PRSS16: variants seen among roughly 807,000 people sequenced by gnomAD.
PRSS16 encodes the protein thymus-specific serine protease.
Under a neutral mutation model 61.7 loss-of-function variants are expected in PRSS16, and 43 were observed. That is an observed-to-expected ratio of 0.70 (90% confidence interval 0.55 to 0.90). The LOEUF (loss-of-function observed/expected upper bound fraction) is 0.90. PRSS16 is among the 40% of genes least tolerant of loss of function. PRSS16 has a pLI of 0.00. For synonymous variants in PRSS16, 273 were observed against 285.2 expected, an observed-to-expected ratio of 0.96 and a Z score of 0.43; for missense variants, 591 against 659.1, an observed-to-expected ratio of 0.90 and a Z score of 1.13.
chr6:27,249,237 G>C lies in PRSS16; in HGVS notation c.467+8G>C. The C allele has an allele frequency of 6.2e-7, 1 of 1,612,456 alleles. No individual in the cohort carries two copies. Among genetic ancestry groups the C allele is most frequent in the Non-Finnish European group, 8.5e-7 (1 of 1,179,370 alleles). ...CTTGTCCAGCCGCCTTGCGTGAGTG[G>C]AGGAAGGGAAAGTGTTTATGGTCAA... On this transcript the variant is annotated splice_region_variant and intron_variant, in intron 4 of 11. Coordinates refer to ENST00000230582, the MANE Select transcript of PRSS16 (RefSeq NM_005865.4).
At chr6:27,249,940 G>C (rs9393795) in intron 4 of PRSS16, among the ~76,000 whole-genome samples, 53,603 of 151,830 alleles carry the variant, frequency 0.35, 10,114 homozygotes, top group African/African-American at 0.48. Context: ...ATTAACGACC[G>C]CCACCATTTT....
Position 27,252,770 on chromosome 6 carries a change from G to A in PRSS16, c.1009-38G>A. The stretch of plus-strand genomic sequence containing the variant: ...GCACCCTGGCTTGCTGGGAAGAGAG[G>A]AGGAATTTATGTCTTATGTATGTAC... On this transcript the variant is annotated intron_variant, in intron 8 of 11. Coordinates refer to ENST00000230582, the MANE Select transcript of PRSS16 (RefSeq NM_005865.4). The surrounding 1 kb of genome is among the most constrained non-coding windows in gnomAD (Gnocchi z 4.2). 1 of 1,612,160 alleles carries A rather than the reference G, an allele frequency of 6.2e-7. No homozygotes were observed. The highest frequency in any genetic ancestry group is 8.5e-7 in the Non-Finnish European group (1 of 1,179,004).
In PRSS16 at chr6:27,252,796, A is replaced by C. The variant is rs188146949; in HGVS notation, c.1009-12A>C. The stretch of plus-strand genomic sequence containing the variant: ...AGGAATTTATGTCTTATGTATGTAC[A>C]TTGTTCCCTAGATTGTCTTGCACAG... On this transcript the variant is annotated splice_polypyrimidine_tract_variant and intron_variant, in intron 8 of 11. Transcript: ENST00000230582. This position sits in a 1 kb window ranked among gnomAD's most constrained non-coding sequence, Gnocchi z 4.2. 1.1e-5 allele frequency: 17 copies of C among 1,613,928 alleles called. No homozygotes were observed. In the Admixed American group the frequency reaches 1.7e-4, roughly 16 times the overall value.
Position 27,251,078 on chromosome 6 carries a change from G to A in PRSS16, c.628G>A (p.Ala210Thr), listed in dbSNP as rs768517131. 1.2e-6 allele frequency: 2 copies of A among 1,613,942 alleles called. No homozygotes were observed. The highest frequency in any genetic ancestry group is 1.3e-5 in the African/African-American group (1 of 74,936). The change falls in exon 6 of 12, where the codon GCC becomes ACC. Residue 210 changes from alanine to threonine, a missense_variant. Transcript: ENST00000230582. The surrounding 1 kb of genome is among the most constrained non-coding windows in gnomAD (Gnocchi z 5.6). The stretch of plus-strand genomic sequence containing the variant: ...CATTTTCGCGTCGGTCGCCTCCTCC[G>A]CCCCGGTGCGGGCCGTGCTGGATTT... ...HLIFASVASSAPVRAVLDFSE... is the reference protein window; with the variant it reads ...HLIFASVASSTPVRAVLDFSE...
In PRSS16 at chr6:27,248,855, G is replaced by A; in HGVS notation, c.246G>A (p.Trp82Ter). ...CCCATCCCACCTCTCAGCGTTACTG[G>A]GTGAATGACCAACATTGGGTTGGCC... The part of the protein sequence containing the change: ...SDRRSFLQRY[W>*]VNDQHWVGQD... Residue 82 changes from tryptophan (W) to a stop codon, truncating the protein, a stop_gained, in exon 3 of 12, where the codon TGG becomes TGA. Transcript: ENST00000230582. LOFTEE classifies it high-confidence loss of function. 1 of 1,607,626 alleles carries A rather than the reference G, an allele frequency of 6.2e-7. No individual in the cohort carries two copies. The highest frequency in any genetic ancestry group is 8.5e-7 in the Non-Finnish European group (1 of 1,176,208).
In PRSS16 at chr6:27,251,664, G is replaced by A. The variant is rs1419265768; in HGVS notation, c.718-86G>A. On this transcript the variant is annotated intron_variant, in intron 7 of 11. Transcript: ENST00000230582. This position sits in a 1 kb window ranked among gnomAD's most constrained non-coding sequence, Gnocchi z 5.6. ...TCTGAGTCCCGCTAGGGGAAAGTGG[G>A]GAACCCAAGGAGGACGCAGGTCCTG... 1 of 1,481,790 alleles carries A rather than the reference G, an allele frequency of 6.7e-7. No individual in the cohort carries two copies. Among genetic ancestry groups the A allele is most frequent in the Admixed American group, 2.5e-5 (1 of 40,618 alleles). 91.8% of individuals were successfully genotyped at this position (1,481,790 alleles called of 1,614,324 possible).
chr6:27,250,049 A>G (rs1759843041), intron 4 of PRSS16, among the ~76,000 whole-genome samples: 1 of 152,124 alleles, frequency 6.6e-6, no homozygotes, highest in Middle Eastern at 3.2e-3. Flanking sequence ...CTGTGTCTGT[A>G]ACAGTCTGTT....
chr6:27,251,547 C>A lies in PRSS16; in HGVS notation c.718-203C>A. The A allele has an allele frequency of 3.0e-6, 2 of 671,218 alleles. No individual in the cohort carries two copies. Among genetic ancestry groups the A allele is most frequent in the Non-Finnish European group, 4.5e-6 (2 of 446,164 alleles). 41.6% of individuals were successfully genotyped at this position (671,218 alleles called of 1,614,324 possible). ...GGGCCACAATGGAGGACGGGGCCTG[C>A]AGGGAAGACCCGAGAAGGAGGGCTG... On this transcript the variant is annotated intron_variant, in intron 7 of 11. Transcript: ENST00000230582. This position sits in a 1 kb window ranked among gnomAD's most constrained non-coding sequence, Gnocchi z 5.6.
At position 27,254,987 on chromosome 6, in the gene PRSS16, G is replaced by A. The variant is rs1415908916; in HGVS notation, c.1332G>A (p.Gly444=). The A allele has an allele frequency of 6.2e-7, 1 of 1,612,880 alleles. No homozygotes were observed. The highest frequency in any genetic ancestry group is 1.3e-5 in the African/African-American group (1 of 74,824). ...PGANKVLFVN[G]DTDPWHVLSV... is the part of the protein sequence containing the mutation. ...CCCCATCCTATCCTTTCTTTCCAGG[G>A]GACACAGACCCCTGGCATGTGCTAA... Residue 444 remains glycine, a splice_region_variant and synonymous_variant, in exon 11 of 12, where the codon GGG becomes GGA. Coordinates refer to ENST00000230582, the MANE Select transcript of PRSS16 (RefSeq NM_005865.4).
In PRSS16 at chr6:27,251,555, A is replaced by T; in HGVS notation, c.718-195A>T. On this transcript the variant is annotated intron_variant, in intron 7 of 11. Transcript: ENST00000230582. The surrounding 1 kb of genome is among the most constrained non-coding windows in gnomAD (Gnocchi z 5.6). Reference sequence around the variant, plus strand: ...ATGGAGGACGGGGCCTGCAGGGAAGACCCGAGAAGGAGGGCTGCGAGGCAG... The same window carrying T: ...ATGGAGGACGGGGCCTGCAGGGAAGTCCCGAGAAGGAGGGCTGCGAGGCAG... 1.8e-6 allele frequency: 1 copy of T among 563,626 alleles called. No individual in the cohort carries two copies. The highest frequency in any genetic ancestry group is 5.7e-4 in the Middle Eastern group (1 of 1,756). 34.9% of individuals were successfully genotyped at this position (563,626 alleles called of 1,614,324 possible). A position where few individuals can be genotyped will look rare whatever the true frequency, so the allele number is the denominator to read the frequency against.
intron 9 of PRSS16, 38 bp from the exon 10 acceptor site, chr6:27,254,655 G>T (rs375605785): frequency 6.5e-7 from 1 of 1,529,732 alleles, no homozygotes; most frequent in African/African-American, 1.4e-5. Context: ...GTGGTGGGCT[G>T]CCTGTATACC....
At chr6:27,253,172 T>G in intron 9 of PRSS16, 1 of 566,302 alleles carries the variant, frequency 1.8e-6, no homozygotes, top group East Asian at 3.0e-5. Context: ...ACTTGAGTGA[T>G]CTTCCCTTCA....
rs958223419 is a variant in PRSS16, at chr6:27,252,232, C to A, written c.1008+192C>A. ...GTCATGTAGAGCAATCAGCTGGGAGCCTGGCACACAGTGTGCGAATGTTAG... is the reference window on the plus strand; with the variant it reads ...GTCATGTAGAGCAATCAGCTGGGAGACTGGCACACAGTGTGCGAATGTTAG... On this transcript the variant is annotated intron_variant, in intron 8 of 11. Coordinates refer to ENST00000230582, the MANE Select transcript of PRSS16 (RefSeq NM_005865.4). The surrounding 1 kb of genome is among the most constrained non-coding windows in gnomAD (Gnocchi z 4.2). 1.8e-5 allele frequency: 12 copies of A among 677,414 alleles called. 1 individual carries two copies. The highest frequency in any genetic ancestry group is 2.6e-5 in the Non-Finnish European group (11 of 429,612). The allele number at this position is 677,414 out of a possible 1,614,324, so 42.0% of individuals were successfully genotyped here.
chr6:27,249,066 ACCTCCCCAC>A, intron 3 of PRSS16, 25 bp from the exon 4 acceptor site: 1 of 960,844 alleles, frequency 1.0e-6, no homozygotes, highest in Non-Finnish European at 1.6e-6. Flanking sequence ...CTTGCATCTC[ACCTCCCCAC>A]CCCCCACCCA....
intron 9 of PRSS16, 102 bp downstream of exon 9, chr6:27,253,051 T>C: frequency 6.9e-7 from 1 of 1,459,462 alleles, no homozygotes; most frequent in Non-Finnish European, 9.5e-7. Flanking sequence ...TCGACCCAGC[T>C]CTCAGGCACT....
chr6:27,254,663 A>T (rs1056394938), intron 9 of PRSS16, 30 bp from the exon 10 acceptor site: 1 of 1,563,958 alleles, frequency 6.4e-7, no homozygotes, highest in African/African-American at 1.4e-5. Flanking sequence ...CTGCCTGTAT[A>T]CCCACACTTA....
In PRSS16 at chr6:27,255,460, C is replaced by T; in HGVS notation, c.*145C>T. 1.3e-6 allele frequency: 1 copy of T among 766,374 alleles called. No homozygotes were observed. The highest frequency in any genetic ancestry group is 2.7e-5 in the East Asian group (1 of 36,908). 47.5% of individuals were successfully genotyped at this position (766,374 alleles called of 1,614,324 possible). ...TGTTCCGCACGTAATTGGCATGTGT[C>T]TGCAAACATCCTTATTCCCAACTTA... On this transcript the variant is annotated 3_prime_UTR_variant, in exon 12 of 12. Transcript: ENST00000230582. The surrounding 1 kb of genome is among the most constrained non-coding windows in gnomAD (Gnocchi z 4.4).
In PRSS16 at chr6:27,255,653, G is replaced by A. The variant is rs1421804039; in HGVS notation, c.*338G>A. 4.1e-6 allele frequency: 1 copy of A among 243,494 alleles called. No individual in the cohort carries two copies. The highest frequency in any genetic ancestry group is 8.1e-6 in the Non-Finnish European group (1 of 123,188). 15.1% of individuals were successfully genotyped at this position (243,494 alleles called of 1,614,324 possible). On this transcript the variant is annotated 3_prime_UTR_variant, in exon 12 of 12. Coordinates refer to ENST00000230582, the MANE Select transcript of PRSS16 (RefSeq NM_005865.4). The surrounding 1 kb of genome is among the most constrained non-coding windows in gnomAD (Gnocchi z 4.4). The stretch of plus-strand genomic sequence containing the variant: ...CTGCCACTCCAGCTCCTGGGTTAGG[G>A]GCTTTGCTGTAAGTTTCTTTTTCTG...
rs1238858214 is a variant in PRSS16 at position 27,256,226 on chromosome 6, C to T, written c.*911C>T. 2 of 152,700 alleles carry T rather than the reference C, an allele frequency of 1.3e-5. No homozygotes were observed. The highest frequency in any genetic ancestry group is 4.8e-5 in the African/African-American group (2 of 41,452). The allele number at this position is 152,700 out of a possible 1,614,324, so 9.5% of individuals were successfully genotyped here. ...TTTAGTCTTCCTTCCACACCCTTCA[C>T]TCACCATCTTTTCCCACAATCAAAT... On this transcript the variant is annotated 3_prime_UTR_variant, in exon 12 of 12. Transcript: ENST00000230582.
Sources: gnomAD v4.1 joint callset for allele counts (sites outside exome capture counted in the v4.1 genomes callset) on GRCh38, gnomAD v4.1.1 for gene constraint, Gnocchi (gnomAD v3.1) non-coding constraint, MANE v1.5 for transcripts, NCBI Gene and HGNC (gene_info 2026-07-23, HGNC 2026-07-21) for gene names.